The following GABRA5 variants were observed in gnomAD, a reference collection of about 807,000 sequenced individuals.
GABRA5 encodes gamma-aminobutyric acid type A receptor subunit alpha5, also known as gamma-aminobutyric acid receptor subunit alpha-5.
In GABRA5, 18 loss-of-function variants were observed where a neutral mutation model predicts 47.3. The ratio of observed to expected loss-of-function variants is 0.38; its 90% CI spans 0.26 to 0.56. The LOEUF is 0.56. GABRA5 is among the 20% of genes least tolerant of loss of function. The pLI, the probability that GABRA5 is intolerant of heterozygous loss-of-function variation, is 0.71. For synonymous variants in GABRA5, 237 were observed against 229.3 expected (o/e 1.03, Z -0.30); for missense variants, 365 against 599.3 (o/e 0.61, Z 4.08).
At position 26,880,864 on chromosome 15, in the gene GABRA5, C is replaced by A; in HGVS notation, c.105C>A (p.Thr35=). Residue 35 remains threonine (T), a synonymous_variant, in exon 4 of 11, where the codon ACC becomes ACA. Transcript: ENST00000335625. Reference sequence around the variant, plus strand: ...TTAAAAGCTTTTCACAGATGCCAACCAGTTCAGTGAAAGATGAGACCAATG... The same window carrying A: ...TTAAAAGCTTTTCACAGATGCCAACAAGTTCAGTGAAAGATGAGACCAATG... The part of the protein sequence containing the change: ...SSHFGFSQMP[T]SSVKDETNDN... 1 of 1,613,792 alleles carries A rather than the reference C, an allele frequency of 6.2e-7. No homozygotes were observed. The highest frequency in any genetic ancestry group is 8.5e-7 in the Non-Finnish European group (1 of 1,179,766).
In GABRA5 at chr15:26,881,035, G is replaced by A. The variant is rs907261728; in HGVS notation, c.208+68G>A. ...AGGGCTTAAGTCTCGTCTCAAGCTT[G>A]TGTTTGCGCTGATTCAAACAATTCC... On this transcript the variant is annotated intron_variant, in intron 4 of 10. Transcript: ENST00000335625. The A allele has an allele frequency of 3.2e-6, 5 of 1,542,658 alleles. No homozygotes were observed. In the African/African-American group the frequency reaches 4.1e-5, roughly 13 times the overall value.
intron 2 of GABRA5, among the ~76,000 whole-genome samples, 188 bp from the exon 3 acceptor site, chr15:26,868,987 C>T (rs561917692): frequency 1.3e-5 from 2 of 152,144 alleles, no homozygotes; most frequent in Non-Finnish European, 2.9e-5. Flanking sequence ...CCTCTTGTTA[C>T]TTATTTTTAT....
At position 26,914,824 on chromosome 15, in the gene GABRA5, C is replaced by T. The variant is rs1217385734; in HGVS notation, c.519C>T (p.Cys173=). Residue 173 remains cysteine (C), a synonymous_variant, in exon 7 of 11, where the codon TGC becomes TGT. Coordinates refer to ENST00000335625, the MANE Select transcript of GABRA5 (RefSeq NM_000810.4). ...YTMRLTISAE[C]PMQLEDFPMD... ...TCAGCTTGACCATCTCTGCAGAGTG[C>T]CCCATGCAGCTTGAGGACTTCCCGA... The T allele has an allele frequency of 1.2e-6, 2 of 1,613,732 alleles. No individual in the cohort carries two copies. The highest frequency in any genetic ancestry group is 2.7e-5 in the African/African-American group (2 of 74,932).
Position 26,895,826 on chromosome 15 carries a change from A to AAAAAAAAAAAAGAAG in GABRA5, c.497+12271_497+12272insAAAAAAAAAGAAGAA, listed in dbSNP as rs1458730535. Among the ~76,000 whole-genome samples the AAAAAAAAAAAAGAAG allele has an allele frequency of 1.2e-4, 16 of 136,052 alleles. 1 individual carries two copies. Among genetic ancestry groups the AAAAAAAAAAAAGAAG allele is most frequent in the African/African-American group, 4.6e-4 (16 of 34,966 alleles). The allele number at this position is 136,052 out of a possible 152,430, so 89.3% of individuals were successfully genotyped here. On this transcript the variant is annotated intron_variant, in intron 6 of 10. Transcript: ENST00000335625. ...CAAGACTCCGTCAAAAAAAAAAAAA[A>AAAAAAAAAAAAGAAG]AAGAAGAAGAAGAAGAAGAAAAAGA... is the stretch of plus-strand genomic sequence containing the variant.
intron 9 of GABRA5, among the ~76,000 whole-genome samples, chr15:26,940,855 T>A (rs1024752310): frequency 1.3e-5 from 2 of 152,184 alleles, no homozygotes; most frequent in African/African-American, 4.8e-5. Flanking sequence ...TGAGTCTTAA[T>A]TACCTCGAAG....
At chr15:26,901,569 T>C (rs565420186) in intron 6 of GABRA5, among the ~76,000 whole-genome samples, 16 of 152,314 alleles carry the variant, frequency 1.1e-4, no homozygotes, top group African/African-American at 3.8e-4. Context: ...CTTTGTCATA[T>C]ATGCCTTCTG....
chr15:26,914,656 C>T (rs778458507), intron 6 of GABRA5, 147 bp from the exon 7 acceptor site: 43 of 636,152 alleles, frequency 6.8e-5, no homozygotes, highest in Middle Eastern at 2.6e-4. Context: ...CACAAACTTA[C>T]GTAATTTGGT....
chr15:26,896,007 G>A (rs1893183858), intron 6 of GABRA5, among the ~76,000 whole-genome samples: 1 of 151,832 alleles, frequency 6.6e-6, no homozygotes, highest in African/African-American at 2.4e-5. Context: ...ACCCTTCCCT[G>A]CACCCTGTGG....
intron 6 of GABRA5, among the ~76,000 whole-genome samples, chr15:26,892,978 G>A (rs1046631467): frequency 4.0e-5 from 6 of 150,766 alleles, no homozygotes; most frequent in South Asian, 4.2e-4. Flanking sequence ...CGCGTGGGGG[G>A]TGTATAGAGT....
At chr15:26,913,533 G>A (rs991178152) in intron 6 of GABRA5, among the ~76,000 whole-genome samples, 1 of 152,112 alleles carries the variant, frequency 6.6e-6, no homozygotes, top group Non-Finnish European at 1.5e-5. Flanking sequence ...GCTAATCAGC[G>A]ACATTCAGTC....
rs1894565804 is a variant in GABRA5 at position 26,948,316 on chromosome 15, A to C, written c.*83A>C. 5 of 1,290,742 alleles carry C rather than the reference A, an allele frequency of 3.9e-6. No homozygotes were observed. The highest frequency in any genetic ancestry group is 5.3e-6 in the Non-Finnish European group (5 of 939,964). 80.0% of individuals were successfully genotyped at this position (1,290,742 alleles called of 1,614,324 possible). Reference sequence around the variant, plus strand: ...GAGGTCTTGCTCACAGGGACTCTCCATATGTGAGCACTATCTTTCAGGAAA... The same window carrying C: ...GAGGTCTTGCTCACAGGGACTCTCCCTATGTGAGCACTATCTTTCAGGAAA... On this transcript the variant is annotated 3_prime_UTR_variant, in exon 11 of 11. Transcript: ENST00000335625.
At chr15:26,930,786 G>A (rs1453927254) in intron 7 of GABRA5, among the ~76,000 whole-genome samples, 1 of 151,884 alleles carries the variant, frequency 6.6e-6, no homozygotes, top group East Asian at 1.9e-4. Flanking sequence ...TGGTCCCAAA[G>A]CCACTTCCAC....
At chr15:26,935,626 G>T (rs1894219638) in intron 7 of GABRA5, among the ~76,000 whole-genome samples, 1 of 152,236 alleles carries the variant, frequency 6.6e-6, no homozygotes, top group South Asian at 2.1e-4. Context: ...TCCGATTGAG[G>T]AAAGTGATGA....
rs558990074 is a variant in GABRA5 at position 26,940,718 on chromosome 15, A to G, written c.877+641A>G. Among the ~76,000 whole-genome samples, 11 of 152,374 alleles carry G rather than the reference A, an allele frequency of 7.2e-5. No individual in the cohort carries two copies. The South Asian group carries it at 2.3e-3, about 32-fold the overall frequency. On this transcript the variant is annotated intron_variant, in intron 9 of 10. Coordinates refer to ENST00000335625, the MANE Select transcript of GABRA5 (RefSeq NM_000810.4). ...ATAACAATCAATGAGATACAATAGT[A>G]ATAAATTAAATATATATACCTGGTA... is the stretch of plus-strand genomic sequence containing the variant.
chr15:26,935,766 C>A (rs951364944), intron 7 of GABRA5, among the ~76,000 whole-genome samples: 4 of 152,230 alleles, frequency 2.6e-5, no homozygotes, highest in Non-Finnish European at 5.9e-5. Flanking sequence ...CCTATATCCT[C>A]CCCCCTGCAT....
At chr15:26,925,143 G>A (rs2140303445) in intron 7 of GABRA5, among the ~76,000 whole-genome samples, 1 of 152,032 alleles carries the variant, frequency 6.6e-6, no homozygotes, top group East Asian at 1.9e-4. Flanking sequence ...GGTTTTCTGA[G>A]CCTCTTGAAT....
intron 2 of GABRA5, 79 bp downstream of exon 2, chr15:26,868,872 G>T: frequency 5.5e-6 from 1 of 181,036 alleles, no homozygotes. Context: ...TTTAATAATT[G>T]GACTAATGGT....
At chr15:26,876,747 T>TG (rs751632036) in intron 3 of GABRA5, among the ~76,000 whole-genome samples, 25 of 152,088 alleles carry the variant, frequency 1.6e-4, no homozygotes, top group Non-Finnish European at 1.0e-4. Flanking sequence ...GAAGGGAATA[T>TG]GGGGTGAATG....
At chr15:26,882,280 G>C (rs1892747203) in intron 4 of GABRA5, among the ~76,000 whole-genome samples, 2 of 152,268 alleles carry the variant, frequency 1.3e-5, no homozygotes, top group South Asian at 2.1e-4. Context: ...CCACCCTGCT[G>C]GGGCTGGCAT....
Sources: allele counts gnomAD v4.1 joint callset (sites outside exome capture counted in the v4.1 genomes callset), GRCh38; gene constraint gnomAD v4.1.1; transcripts MANE v1.5; gene names NCBI Gene and HGNC (gene_info 2026-07-23, HGNC 2026-07-21).